Variants in RBM47 observed in about 807,000 individuals in gnomAD.
RBM47 encodes the protein RNA binding motif protein 47, also known as RNA-binding protein 47.
Under a neutral mutation model 47.1 loss-of-function variants are expected in RBM47, and 21 were observed. That is an observed-to-expected ratio of 0.45 (90% CI 0.32 to 0.64). The LOEUF is 0.64. Ranked by LOEUF, RBM47 falls within the 30% of genes least tolerant of loss-of-function variation. The probability of loss-of-function intolerance (pLI) is 0.05; values close to 1 mark genes in which losing one functional copy is unlikely to be tolerated. For missense variants in RBM47, 708 were observed against 870.9 expected, an observed-to-expected ratio of 0.81 and a Z score of 2.35; for synonymous variants, 375 against 361.7, an observed-to-expected ratio of 1.04 and a Z score of -0.42.
At chr4:40,608,213 C>T (rs916985279) in intron 1 of RBM47, among the ~76,000 whole-genome samples, 3 of 152,164 alleles carry the variant, frequency 2.0e-5, no homozygotes, top group Non-Finnish European at 2.9e-5. Context: ...CCCAACTGTC[C>T]CTCCTGTGGG....
chr4:40,476,881 C>A (rs1434134639), intron 2 of RBM47, among the ~76,000 whole-genome samples: 2 of 152,168 alleles, frequency 1.3e-5, no homozygotes, highest in Admixed American at 6.5e-5. Context: ...ATCACTGTAT[C>A]ATTGTTAAGC....
intron 2 of RBM47, among the ~76,000 whole-genome samples, chr4:40,488,098 G>A (rs955195042): frequency 3.3e-5 from 5 of 152,070 alleles, no homozygotes; most frequent in Non-Finnish European, 7.4e-5. Flanking sequence ...AAGGCAGGTG[G>A]ATCACCTGAG....
intron 2 of RBM47, among the ~76,000 whole-genome samples, chr4:40,528,933 A>G (rs947099259): frequency 7.6e-6 from 1 of 131,726 alleles, no homozygotes; most frequent in African/African-American, 3.4e-5. Context: ...ACAGAGCGAG[A>G]CTCCGTCTCA....
At chr4:40,462,189 T>C (rs1330341380) in intron 3 of RBM47, among the ~76,000 whole-genome samples, 1 of 152,158 alleles carries the variant, frequency 6.6e-6, no homozygotes, top group Non-Finnish European at 1.5e-5. Context: ...TACTTTTCAA[T>C]ATTCTCCAAG....
intron 2 of RBM47, among the ~76,000 whole-genome samples, chr4:40,534,778 C>T (rs1727760024): frequency 6.6e-6 from 1 of 151,712 alleles, no homozygotes; most frequent in African/African-American, 2.4e-5. Flanking sequence ...ACTAAAAATA[C>T]AAAAAAATTA....
intron 6 of RBM47, among the ~76,000 whole-genome samples, chr4:40,430,091 A>G (rs1715709142): frequency 6.6e-6 from 1 of 151,910 alleles, no homozygotes; most frequent in African/African-American, 2.4e-5. Context: ...GCTACTCAGG[A>G]GGCTGAGGCC....
chr4:40,571,688 G>A (rs142891672), intron 1 of RBM47, among the ~76,000 whole-genome samples: 136 of 152,054 alleles, frequency 8.9e-4, no homozygotes, highest in African/African-American at 3.1e-3. Flanking sequence ...GGCACTGCTC[G>A]GGTGATGGGT....
chr4:40,432,970 C>CA lies in RBM47; in HGVS notation c.1331-109_1331-108insT, dbSNP rs1553876650. 446 of 1,432,778 alleles carry CA rather than the reference C, an allele frequency of 3.1e-4. 1 individual carries two copies. The highest frequency in any genetic ancestry group is 3.9e-4 in the Non-Finnish European group (426 of 1,089,746). 88.8% of individuals were successfully genotyped at this position (1,432,778 alleles called of 1,614,324 possible). ...TATTTTTATTTTTTTAAAAACTTTTCTTTTTTTTGAGACAGGGTCTCACTC... is the reference window on the plus strand; with the variant it reads ...TATTTTTATTTTTTTAAAAACTTTTCATTTTTTTTGAGACAGGGTCTCACTC... On this transcript the variant is annotated intron_variant, in intron 5 of 6. Transcript: ENST00000295971.
At chr4:40,490,384 AC>A (rs1307542620) in intron 2 of RBM47, among the ~76,000 whole-genome samples, 2 of 152,188 alleles carry the variant, frequency 1.3e-5, no homozygotes, top group Non-Finnish European at 2.9e-5. Context: ...CATGTAAAAA[AC>A]CTAAGGAATC....
At chr4:40,591,243 T>C (rs1476008863) in intron 1 of RBM47, among the ~76,000 whole-genome samples, 1 of 151,980 alleles carries the variant, frequency 6.6e-6, no homozygotes, top group Non-Finnish European at 1.5e-5. Flanking sequence ...TGGGGGGTGA[T>C]GAAAATGTGT....
At chr4:40,618,976 AC>A (rs1027187946) in intron 1 of RBM47, among the ~76,000 whole-genome samples, 11 of 151,668 alleles carry the variant, frequency 7.3e-5, no homozygotes, top group South Asian at 4.2e-4. Context: ...ACAGATCAGA[AC>A]CCCCCATCCT....
chr4:40,546,130 T>A (rs1729018067), intron 1 of RBM47, among the ~76,000 whole-genome samples: 1 of 152,090 alleles, frequency 6.6e-6, no homozygotes, highest in African/African-American at 2.4e-5. Context: ...CTCTAACAAT[T>A]CAGTTTCATA....
intron 2 of RBM47, among the ~76,000 whole-genome samples, chr4:40,513,860 C>A (rs528177037): frequency 6.6e-6 from 1 of 151,924 alleles, no homozygotes; most frequent in South Asian, 2.1e-4. Context: ...CTGGGACTAC[C>A]GGCGCACACC....
chr4:40,586,066 G>A (rs888130423), intron 1 of RBM47, among the ~76,000 whole-genome samples: 7 of 152,166 alleles, frequency 4.6e-5, no homozygotes, highest in Non-Finnish European at 8.8e-5. Flanking sequence ...TATGCAAAAC[G>A]CCATGGGGCA....
intron 2 of RBM47, among the ~76,000 whole-genome samples, chr4:40,479,975 A>AAT (rs1553887331): frequency 8.5e-6 from 1 of 117,312 alleles, no homozygotes; most frequent in Non-Finnish European, 1.7e-5. Context: ...TATCATCTCC[A>AAT]TTTTTTTTTT....
intron 1 of RBM47, among the ~76,000 whole-genome samples, chr4:40,563,590 C>A (rs1730832931): frequency 1.3e-5 from 2 of 152,162 alleles, no homozygotes; most frequent in South Asian, 4.1e-4. Context: ...CAGTTGGGGG[C>A]CCCAAAGGAA....
intron 1 of RBM47, among the ~76,000 whole-genome samples, chr4:40,559,832 G>A (rs1730439207): frequency 6.6e-6 from 1 of 152,072 alleles, no homozygotes. Context: ...ATATGCCCCA[G>A]CCTTGACTCT....
rs115078536 is a variant in RBM47 at position 40,432,188 on chromosome 4, C to T, written c.1542+463G>A. ...ACGTATCTATACAGATGTTCTTTCT[C>T]TCTCTCTCTCTCTTTACACACACAC... On this transcript the variant is annotated intron_variant, in intron 6 of 6. Transcript: ENST00000295971. 3.8e-3 allele frequency among the ~76,000 whole-genome samples: 554 copies of T among 146,836 alleles called. 7 individuals are homozygous for T. Among genetic ancestry groups the T allele is most frequent in the African/African-American group, 0.014 (528 of 37,808 alleles).
chr4:40,453,662 G>T (rs545933503), intron 3 of RBM47, among the ~76,000 whole-genome samples: 1 of 152,264 alleles, frequency 6.6e-6, no homozygotes, highest in African/African-American at 2.4e-5. Context: ...TTCAGAGGAG[G>T]ATACTGTCCC....
Sources: gnomAD v4.1 joint callset for allele counts (sites outside exome capture counted in the v4.1 genomes callset) on GRCh38, gnomAD v4.1.1 for gene constraint, MANE v1.5 for transcripts, NCBI Gene and HGNC (gene_info 2026-07-23, HGNC 2026-07-21) for gene names.